Variants in GRM1 observed in about 807,000 individuals in gnomAD.
GRM1 encodes the protein metabotropic glutamate receptor 1.
GRM1 carries 33 observed loss-of-function variants against 90.9 expected under a neutral mutation model. The observed-to-expected ratio is 0.36, with a 90% CI of 0.28 to 0.49. GRM1 has a LOEUF of 0.49. Ranked by LOEUF, GRM1 falls within the 20% of genes least tolerant of loss-of-function variation. GRM1 has a pLI of 0.99. For missense variants in GRM1, 1,190 were observed against 1,534.3 expected (o/e 0.78, Z 3.75); for synonymous variants, 700 against 613.2 (o/e 1.14, Z -2.09).
chr6:146,195,068 C>A (rs1277463420), intron 2 of GRM1, among the ~76,000 whole-genome samples: 1 of 152,134 alleles, frequency 6.6e-6, no homozygotes, highest in Non-Finnish European at 1.5e-5. Context: ...ATGTTGATAT[C>A]CACTCTATTT....
At chr6:146,081,257 G>C (rs1776355446) in intron 1 of GRM1, among the ~76,000 whole-genome samples, 1 of 152,146 alleles carries the variant, frequency 6.6e-6, no homozygotes, top group East Asian at 1.9e-4. Flanking sequence ...ACAGAACTTT[G>C]TATTTTCTGT....
Position 146,399,825 on chromosome 6 carries a change from TCCC to T in GRM1, c.2660+129_2660+131del. ...AGTTTTCTGAGTTGTCTCTTCCATTTCCCCCATGTCTTTCTCTTCCTTTCTTAA... is the reference window on the plus strand; with the variant it reads ...AGTTTTCTGAGTTGTCTCTTCCATTTCCATGTCTTTCTCTTCCTTTCTTAA... On this transcript the variant is annotated intron_variant, in intron 7 of 7. Coordinates refer to ENST00000282753, the MANE Select transcript of GRM1 (RefSeq NM_001278064.2). This position sits in a 1 kb window ranked among gnomAD's most constrained non-coding sequence, Gnocchi z 5.4. The T allele has an allele frequency of 1.4e-6, 1 of 696,870 alleles. No homozygotes were observed. Among genetic ancestry groups the T allele is most frequent in the Non-Finnish European group, 2.5e-6 (1 of 394,610 alleles). The allele number at this position is 696,870 out of a possible 1,614,324, so 43.2% of individuals were successfully genotyped here.
At chr6:146,281,369 G>A (rs1782562458) in intron 2 of GRM1, among the ~76,000 whole-genome samples, 1 of 152,156 alleles carries the variant, frequency 6.6e-6, no homozygotes, top group Non-Finnish European at 1.5e-5. Context: ...CCCTTAGTAA[G>A]CAAGATGCTT....
chr6:146,217,964 C>T (rs1779932037), intron 2 of GRM1, among the ~76,000 whole-genome samples: 1 of 152,082 alleles, frequency 6.6e-6, no homozygotes, highest in Non-Finnish European at 1.5e-5. Context: ...TTTTGTTACA[C>T]ATATCTTTTT....
At chr6:146,379,519 C>A (rs554186945) in intron 5 of GRM1, among the ~76,000 whole-genome samples, 17 of 152,252 alleles carry the variant, frequency 1.1e-4, no homozygotes, top group African/African-American at 3.4e-4. Context: ...CTCAACACAG[C>A]TATTTTGAAG....
At chr6:146,369,228 T>A (rs1233853746) in intron 5 of GRM1, among the ~76,000 whole-genome samples, 1 of 151,952 alleles carries the variant, frequency 6.6e-6, no homozygotes, top group African/African-American at 2.4e-5. Context: ...TCTCTCTTTT[T>A]TTCTTAGCTT....
intron 2 of GRM1, among the ~76,000 whole-genome samples, chr6:146,178,837 C>T (rs1778431876): frequency 6.6e-6 from 1 of 152,154 alleles, no homozygotes; most frequent in Admixed American, 6.5e-5. Flanking sequence ...AACTTGTGTA[C>T]TGTTCATTAT....
intron 1 of GRM1, among the ~76,000 whole-genome samples, chr6:146,089,102 T>C (rs1357302611): frequency 1.3e-5 from 2 of 152,092 alleles, no homozygotes; most frequent in African/African-American, 4.8e-5. Context: ...TTGTTCATTA[T>C]GTAAGCCTCT....
At chr6:146,153,484 A>G (rs1777412905) in intron 1 of GRM1, among the ~76,000 whole-genome samples, 1 of 152,170 alleles carries the variant, frequency 6.6e-6, no homozygotes, top group Non-Finnish European at 1.5e-5. Context: ...GTAAGTTTGG[A>G]GCCTTTTAGG....
At chr6:146,111,657 G>C (rs1775565600) in intron 1 of GRM1, among the ~76,000 whole-genome samples, 1 of 152,166 alleles carries the variant, frequency 6.6e-6, no homozygotes, top group African/African-American at 2.4e-5. Flanking sequence ...TAAGGCTTGA[G>C]ATAGCCTGGT....
intron 2 of GRM1, among the ~76,000 whole-genome samples, chr6:146,198,411 T>TA (rs1362407743): frequency 6.6e-6 from 1 of 152,064 alleles, no homozygotes; most frequent in Admixed American, 6.6e-5. Context: ...ACTCCCAGGA[T>TA]AAAAAATATT....
intron 1 of GRM1, among the ~76,000 whole-genome samples, chr6:146,136,343 G>A (rs1485861612): frequency 6.6e-6 from 1 of 152,070 alleles, no homozygotes; most frequent in Non-Finnish European, 1.5e-5. Flanking sequence ...TTAGTTTTTT[G>A]AGGAGCCTCC....
chr6:146,255,952 G>T (rs1212383584), intron 2 of GRM1, among the ~76,000 whole-genome samples: 1 of 152,092 alleles, frequency 6.6e-6, no homozygotes, highest in Non-Finnish European at 1.5e-5. Context: ...GTTTCAGTTG[G>T]TTTCCTTGTT....
At chr6:146,349,238 T>TA (rs1785298419) in intron 3 of GRM1, among the ~76,000 whole-genome samples, 1 of 106,304 alleles carries the variant, frequency 9.4e-6, no homozygotes, top group Non-Finnish European at 2.0e-5. Flanking sequence ...GGCTATTTTT[T>TA]TTTTTTTATT....
rs1253838763 is a variant in GRM1 at position 146,352,352 on chromosome 6, C to A, written c.1289C>A (p.Ala430Asp). Residue 430 changes from alanine (A) to aspartate (D), a missense_variant, in exon 4 of 8, where the codon GCC becomes GAC. Transcript: ENST00000282753. ...CATGGGCTGCAGAACATGCACCATG[C>A]CCTCTGCCCTGGCCACGTGGGCCTC... is the stretch of plus-strand genomic sequence containing the variant. Reference protein sequence around the residue: ...MAHGLQNMHHALCPGHVGLCD... With the variant: ...MAHGLQNMHHDLCPGHVGLCD... 1 of 1,614,146 alleles carries A rather than the reference C, an allele frequency of 6.2e-7. No homozygotes were observed. The highest frequency in any genetic ancestry group is 1.7e-5 in the Admixed American group (1 of 60,038).
intron 5 of GRM1, among the ~76,000 whole-genome samples, chr6:146,371,048 A>G (rs1775880815): frequency 6.6e-6 from 1 of 151,714 alleles, no homozygotes; most frequent in Non-Finnish European, 1.5e-5. Context: ...TCTTTCTCTC[A>G]TAGTCTATAT....
chr6:146,304,265 T>G (rs1024247047), intron 2 of GRM1, among the ~76,000 whole-genome samples: 3 of 152,166 alleles, frequency 2.0e-5, no homozygotes, highest in African/African-American at 7.2e-5. Flanking sequence ...TATTTTCTTC[T>G]GGTTTGGAGA....
At chr6:146,263,830 A>T (rs1362210909) in intron 2 of GRM1, among the ~76,000 whole-genome samples, 2 of 152,120 alleles carry the variant, frequency 1.3e-5, no homozygotes, top group Non-Finnish European at 2.9e-5. Flanking sequence ...TCTCATGAAA[A>T]AAGGAACTAG....
At chr6:146,375,400 TATTAGATCC>T (rs1350992516) in intron 5 of GRM1, among the ~76,000 whole-genome samples, 1 of 151,954 alleles carries the variant, frequency 6.6e-6, no homozygotes, top group African/African-American at 2.4e-5. Context: ...TGTAATTATC[TATTAGATCC>T]ATTTGTTTTA....
Sources: gnomAD v4.1 joint callset for allele counts (sites outside exome capture counted in the v4.1 genomes callset) on GRCh38, gnomAD v4.1.1 for gene constraint, Gnocchi (gnomAD v3.1) non-coding constraint, MANE v1.5 for transcripts, NCBI Gene and HGNC (gene_info 2026-07-23, HGNC 2026-07-21) for gene names.